Variants in SLC71A2 observed in about 807,000 individuals in gnomAD.
SLC71A2 encodes the protein solute carrier family 71 member 2, also known as hippocampus abundant transcript-like 1.
At chr9:94,454,560 TTCA>T in the SLC71A2 span, among the ~76,000 whole-genome samples, 1 of 145,660 alleles carries the variant, frequency 6.9e-6, no homozygotes, top group African/African-American at 2.8e-5. Context: ...AGAGATGGGT[TTCA>T]CCATGTTGGC....
At chr9:94,439,427 T>G in the SLC71A2 span, among the ~76,000 whole-genome samples, 4 of 152,078 alleles carry the variant, frequency 2.6e-5, no homozygotes, top group Non-Finnish European at 5.9e-5. Context: ...TTGTTTTTTT[T>G]GGATAACAGA....
the SLC71A2 span, among the ~76,000 whole-genome samples, chr9:94,407,529 C>G: frequency 6.6e-6 from 1 of 152,132 alleles, no homozygotes; most frequent in African/African-American, 2.4e-5. Context: ...CAGGCACGCA[C>G]TACCACGCCC....
the SLC71A2 span, among the ~76,000 whole-genome samples, chr9:94,401,427 C>T: frequency 1.1e-4 from 16 of 152,186 alleles, no homozygotes; most frequent in African/African-American, 3.9e-4. Context: ...AGACCTGGGC[C>T]TCCCAAAGTC....
chr9:94,402,751 T>C, the SLC71A2 span, among the ~76,000 whole-genome samples: 2 of 152,242 alleles, frequency 1.3e-5, no homozygotes, highest in Admixed American at 6.5e-5. Context: ...ACTTTAGTCT[T>C]GTACCTACAG....
At chr9:94,451,555 AAATTTAAAAAATATCCTGAT>A in the SLC71A2 span, 1 of 1,207,130 alleles carries the variant, frequency 8.3e-7, no homozygotes, top group Admixed American at 2.3e-5. Context: ...TATACTTAAA[AAATTTAAAAAATATCCTGAT>A]AACCATAGTT....
At chr9:94,438,770 A>C in the SLC71A2 span, among the ~76,000 whole-genome samples, 2 of 152,220 alleles carry the variant, frequency 1.3e-5, no homozygotes, top group Non-Finnish European at 2.9e-5. Flanking sequence ...AAGTAGAAAT[A>C]AAAGATGCCT....
the SLC71A2 span, among the ~76,000 whole-genome samples, chr9:94,405,613 A>G: frequency 5.9e-5 from 9 of 152,008 alleles, no homozygotes; most frequent in Non-Finnish European, 2.9e-5. Flanking sequence ...AAATACAGGC[A>G]CACACCACCA....
At chr9:94,441,536 T>C in the SLC71A2 span, among the ~76,000 whole-genome samples, 6 of 152,206 alleles carry the variant, frequency 3.9e-5, no homozygotes, top group African/African-American at 1.2e-4. Flanking sequence ...ACCTTCAACA[T>C]TGGGGATTAC....
chr9:94,444,969 A>G, the SLC71A2 span: 1 of 1,613,702 alleles, frequency 6.2e-7, no homozygotes, highest in South Asian at 1.1e-5. Context: ...CACAGGTCTC[A>G]GCCACCTTTG....
At chr9:94,413,229 G>C in the SLC71A2 span, among the ~76,000 whole-genome samples, 6 of 152,004 alleles carry the variant, frequency 3.9e-5, no homozygotes, top group Admixed American at 3.9e-4. Context: ...ATTAGATTCT[G>C]AACCAGAAAA....
chr9:94,436,679 T>A, the SLC71A2 span, among the ~76,000 whole-genome samples: 5 of 152,128 alleles, frequency 3.3e-5, no homozygotes, highest in African/African-American at 1.2e-4. Flanking sequence ...ATGAAGCTGC[T>A]TCACTTTGAG....
the SLC71A2 span, chr9:94,459,035 A>G: frequency 9.5e-7 from 1 of 1,055,174 alleles, no homozygotes; most frequent in Non-Finnish European, 1.4e-6. Flanking sequence ...ACATTTAATG[A>G]AACATTTGCT....
chr9:94,405,318 A>T, the SLC71A2 span, among the ~76,000 whole-genome samples: 2 of 151,534 alleles, frequency 1.3e-5, no homozygotes, highest in Non-Finnish European at 2.9e-5. Flanking sequence ...ACATGGTGAA[A>T]CCCCGTCTTT....
the SLC71A2 span, among the ~76,000 whole-genome samples, chr9:94,421,784 G>A: frequency 5.8e-3 from 878 of 152,230 alleles, 5 homozygotes; most frequent in African/African-American, 0.015. Context: ...TCGTGAACTA[G>A]AGAGCTTTGG....
At chr9:94,404,203 A>G in the SLC71A2 span, among the ~76,000 whole-genome samples, 1 of 152,282 alleles carries the variant, frequency 6.6e-6, no homozygotes, top group African/African-American at 2.4e-5. Flanking sequence ...AGATTAAGAC[A>G]GTAGCCATCC....
At chr9:94,460,841 G>GATAAC in the SLC71A2 span, 3 of 152,246 alleles carry the variant, frequency 2.0e-5, no homozygotes, top group Non-Finnish European at 4.4e-5. Context: ...TATGAACAGA[G>GATAAC]ATAACATATC....
At chr9:94,454,058 G>C in the SLC71A2 span, 28 of 1,612,252 alleles carry the variant, frequency 1.7e-5, no homozygotes, top group Admixed American at 1.0e-4. Flanking sequence ...TACGGTTTTG[G>C]ATCACAGGCC....
chr9:94,427,129 A>T, the SLC71A2 span, among the ~76,000 whole-genome samples: 18 of 152,232 alleles, frequency 1.2e-4, no homozygotes, highest in Admixed American at 1.0e-3. Flanking sequence ...TTGTAGCTAA[A>T]TTATTTACAT....
At chr9:94,426,438 C>A in the SLC71A2 span, among the ~76,000 whole-genome samples, 1 of 152,190 alleles carries the variant, frequency 6.6e-6, no homozygotes, top group East Asian at 1.9e-4. Context: ...AAGGTCTTCT[C>A]TTTCATCTTC....
Sources: allele counts gnomAD v4.1 joint callset (sites outside exome capture counted in the v4.1 genomes callset), GRCh38; gene constraint gnomAD v4.1.1; transcripts MANE v1.5; gene names NCBI Gene and HGNC (gene_info 2026-07-23, HGNC 2026-07-21).